DGKG: variants seen among roughly 807,000 people sequenced by gnomAD.
DGKG encodes the protein DAG kinase gamma.
A neutral mutation model predicts 105.3 loss-of-function variants in DGKG; 78 were observed. That is an observed-to-expected ratio of 0.74 (90% CI 0.62 to 0.89). DGKG has a LOEUF of 0.89. Ranked by LOEUF, DGKG falls within the 40% of genes least tolerant of loss-of-function variation. DGKG has a pLI of 0.00. For missense variants in DGKG, 958 were observed against 1,020.1 expected (o/e 0.94, Z 0.83); for synonymous variants, 346 against 367.1 (o/e 0.94, Z 0.66).
At chr3:186,329,366 T>A (rs1431121699) in intron 1 of DGKG, among the ~76,000 whole-genome samples, 1 of 152,178 alleles carries the variant, frequency 6.6e-6, no homozygotes. Context: ...TCTGTACGGA[T>A]GTCAGCATGG....
chr3:186,327,661 C>T (rs1008516284), intron 1 of DGKG, among the ~76,000 whole-genome samples: 1 of 151,922 alleles, frequency 6.6e-6, no homozygotes, highest in African/African-American at 2.4e-5. Flanking sequence ...GATCCACCTG[C>T]CTCGGTCTCC....
At chr3:186,264,582 G>A (rs186090663) in intron 14 of DGKG, among the ~76,000 whole-genome samples, 4 of 152,242 alleles carry the variant, frequency 2.6e-5, no homozygotes, top group East Asian at 1.9e-4. Flanking sequence ...TTCACAACAC[G>A]TGAATCTGTA....
At chr3:186,333,716 C>T (rs1725702294) in intron 1 of DGKG, among the ~76,000 whole-genome samples, 1 of 152,180 alleles carries the variant, frequency 6.6e-6, no homozygotes, top group African/African-American at 2.4e-5. Flanking sequence ...AGGCTAGCAG[C>T]TCATTCCCAC....
intron 10 of DGKG, among the ~76,000 whole-genome samples, chr3:186,274,620 G>A (rs1722490855): frequency 1.4e-5 from 2 of 144,516 alleles, no homozygotes; most frequent in East Asian, 2.1e-4. Context: ...TCCCACCTAT[G>A]AGTGAGAACA....
At chr3:186,206,559 G>A (rs568144201) in intron 21 of DGKG, among the ~76,000 whole-genome samples, 2 of 152,164 alleles carry the variant, frequency 1.3e-5, no homozygotes, top group Non-Finnish European at 2.9e-5. Context: ...GGCCTGGGGT[G>A]GGGGAGGTGA....
chr3:186,295,422 A>C (rs1424418657), intron 5 of DGKG, among the ~76,000 whole-genome samples: 1 of 151,842 alleles, frequency 6.6e-6, no homozygotes, highest in Non-Finnish European at 1.5e-5. Context: ...GAATCACTTG[A>C]ACCAGGGAGG....
chr3:186,188,607 G>A (rs567459087), intron 21 of DGKG, among the ~76,000 whole-genome samples: 1 of 152,208 alleles, frequency 6.6e-6, no homozygotes, highest in African/African-American at 2.4e-5. Context: ...TCAGCTCCGG[G>A]GAATACAGTA....
At position 186,268,832 on chromosome 3, in the gene DGKG, G is replaced by T. The variant is rs184020748; in HGVS notation, c.1085C>A (p.Thr362Asn). 6.2e-7 allele frequency: 1 copy of T among 1,613,926 alleles called. No individual in the cohort carries two copies. The highest frequency in any genetic ancestry group is 8.5e-7 in the Non-Finnish European group (1 of 1,179,930). Residue 362 changes from threonine to asparagine, a missense_variant, in exon 12 of 25, where the codon ACC (threonine) becomes AAC (asparagine). Physicochemically the swap from Thr to Asn is moderately conservative, Grantham distance 65 (BLOSUM62 0). Around this residue, in one of 2 missense-constraint regions of DGKG, gnomAD observed 643 missense variants for 619.5 expected, o/e 1.04. Transcript: ENST00000265022. ...HKSIKCYQSVTARHCVWCRMT... is the reference protein window; with the variant it reads ...HKSIKCYQSVNARHCVWCRMT... ...CCGGCACCACACGCAGTGCCGCGCG[G>T]TGACACTCTGGTAGCACTTGATACT...
At chr3:186,199,434 T>C (rs1336452353) in intron 21 of DGKG, among the ~76,000 whole-genome samples, 1 of 151,918 alleles carries the variant, frequency 6.6e-6, no homozygotes, top group African/African-American at 2.4e-5. Context: ...ATATATATCA[T>C]TTATTGAGTA....
intron 23 of DGKG, among the ~76,000 whole-genome samples, chr3:186,162,288 T>C (rs2108477229): frequency 6.6e-6 from 1 of 152,266 alleles, no homozygotes; most frequent in East Asian, 1.9e-4. Context: ...AGCAGTGAAG[T>C]CCACAGAAGT....
Position 186,161,614 on chromosome 3 carries a change from G to T in DGKG, c.2266C>A (p.Pro756Thr), listed in dbSNP as rs755898523. 1.9e-6 allele frequency: 3 copies of T among 1,614,184 alleles called. No individual in the cohort carries two copies. Among genetic ancestry groups the T allele is most frequent in the Non-Finnish European group, 2.5e-6 (3 of 1,180,022 alleles). Residue 756 changes from proline to threonine, a missense_variant, in exon 24 of 25, where the codon CCA becomes ACA. Around this residue, in one of 2 missense-constraint regions of DGKG, gnomAD observed 315 missense variants for 400.6 expected, o/e 0.79. Transcript: ENST00000265022. ...MQVDGEPWMQ[P>T]CCTIKITHKN... ...TTGGCAAGACTCACCGTGCAACATG[G>T]CTGCATCCAGGGTTCTCCATCCACT...
At position 186,150,084 on chromosome 3, in the gene DGKG, C is replaced by T; in HGVS notation, c.*6G>A. 1 of 1,610,650 alleles carries T rather than the reference C, an allele frequency of 6.2e-7. No individual in the cohort carries two copies. The highest frequency in any genetic ancestry group is 1.3e-5 in the African/African-American group (1 of 74,790). Reference sequence around the variant, plus strand: ...CTCTTGGTTTAGCTGGTGTTTGGCACACTGTTTAGTCTTTTGAACGGCTCT... The same window carrying T: ...CTCTTGGTTTAGCTGGTGTTTGGCATACTGTTTAGTCTTTTGAACGGCTCT... On this transcript the variant is annotated 3_prime_UTR_variant, in exon 25 of 25. Coordinates refer to ENST00000265022, the MANE Select transcript of DGKG (RefSeq NM_001346.3).
At chr3:186,252,294 G>A (rs749651903) in intron 18 of DGKG, among the ~76,000 whole-genome samples, 40 of 152,350 alleles carry the variant, frequency 2.6e-4, no homozygotes, top group Non-Finnish European at 4.0e-4. Flanking sequence ...TAAGATGGCC[G>A]CTAGGCCTAG....
intron 1 of DGKG, among the ~76,000 whole-genome samples, chr3:186,334,677 T>C (rs1183285817): frequency 6.6e-6 from 1 of 152,222 alleles, no homozygotes; most frequent in Non-Finnish European, 1.5e-5. Context: ...TGGTTGACTC[T>C]TCATAACAAC....
chr3:186,209,958 G>A (rs969805242), intron 21 of DGKG, among the ~76,000 whole-genome samples: 1 of 152,172 alleles, frequency 6.6e-6, no homozygotes, highest in African/African-American at 2.4e-5. Context: ...AGGAAAACAG[G>A]AAGTGCTTCT....
intron 20 of DGKG, among the ~76,000 whole-genome samples, chr3:186,235,232 T>C (rs1720359143): frequency 1.3e-5 from 2 of 152,266 alleles, no homozygotes; most frequent in Non-Finnish European, 2.9e-5. Flanking sequence ...TGTATTTCTT[T>C]ATAAATACCT....
At chr3:186,310,802 A>G (rs983113530) in intron 2 of DGKG, among the ~76,000 whole-genome samples, 5 of 152,156 alleles carry the variant, frequency 3.3e-5, no homozygotes, top group African/African-American at 1.2e-4. Flanking sequence ...AACAATTCCC[A>G]TTTTGTAGAG....
intron 9 of DGKG, 102 bp from the exon 10 acceptor site, chr3:186,275,766 G>A (rs1722553050): frequency 1.4e-6 from 1 of 714,532 alleles, no homozygotes; most frequent in Admixed American, 3.2e-5. Context: ...TCATTTAGAA[G>A]ATGAGTTATT....
At chr3:186,323,166 A>G (rs1237927686) in intron 1 of DGKG, among the ~76,000 whole-genome samples, 1 of 152,232 alleles carries the variant, frequency 6.6e-6, no homozygotes, top group East Asian at 1.9e-4. Flanking sequence ...CCTGTAGAAT[A>G]AGATGTAATC....
Sources: gnomAD v4.1 joint callset for allele counts (sites outside exome capture counted in the v4.1 genomes callset) on GRCh38, gnomAD v4.1.1 for gene constraint, gnomAD v4.1.1 regional missense constraint, MANE v1.5 for transcripts, NCBI Gene and HGNC (gene_info 2026-07-23, HGNC 2026-07-21) for gene names.